FBN2: variants seen among roughly 807,000 people sequenced by gnomAD.
The protein encoded by FBN2 is fibrillin-2.
In FBN2, 105 loss-of-function variants were observed where a neutral mutation model predicts 355.6. That is an observed-to-expected ratio of 0.30 (90% CI 0.25 to 0.35). The LOEUF is 0.35. Ranked by LOEUF, FBN2 falls within the 10% of genes least tolerant of loss-of-function variation. The pLI is 1.00. For missense variants in FBN2, 3,280 were observed against 3,758.7 expected, an observed-to-expected ratio of 0.87 and a Z score of 3.33; for synonymous variants, 1,350 against 1,301.2, an observed-to-expected ratio of 1.04 and a Z score of -0.81.
chr5:128,457,842 CA>C (rs560905143), intron 6 of FBN2, among the ~76,000 whole-genome samples: 14,635 of 125,298 alleles, frequency 0.12, 774 homozygotes, highest in African/African-American at 0.17. Flanking sequence ...CCAGACACTG[CA>C]AAAAAAAAAA....
intron 7 of FBN2, among the ~76,000 whole-genome samples, chr5:128,410,265 T>C (rs1753030092): frequency 6.6e-6 from 1 of 152,216 alleles, no homozygotes; most frequent in South Asian, 2.1e-4. Flanking sequence ...AATTAGGTCC[T>C]GTTGCATCCT....
Position 128,319,146 on chromosome 5 carries a change from T to C in FBN2, c.4472-145A>G, listed in dbSNP as rs2126854876. 3 of 656,608 alleles carry C rather than the reference T, an allele frequency of 4.6e-6. No individual in the cohort carries two copies. The South Asian group carries it at 5.6e-5, about 12-fold the overall frequency. 40.7% of individuals were successfully genotyped at this position (656,608 alleles called of 1,614,324 possible). Reference sequence around the variant, plus strand: ...TTTTTCTCTTTTTTGGCTAGGTAGATAAGTGTAAAGGGCAAGCAACTAATG... The same window carrying C: ...TTTTTCTCTTTTTTGGCTAGGTAGACAAGTGTAAAGGGCAAGCAACTAATG... On this transcript the variant is annotated intron_variant, in intron 34 of 64. Transcript: ENST00000262464.
intron 3 of FBN2, among the ~76,000 whole-genome samples, chr5:128,529,494 T>C (rs1257265618): frequency 1.3e-5 from 2 of 152,110 alleles, no homozygotes; most frequent in Non-Finnish European, 1.5e-5. Context: ...CCTGATGAAA[T>C]GGAAGGATTG....
intron 38 of FBN2, 45 bp from the exon 39 acceptor site, chr5:128,311,470 A>C: frequency 1.2e-6 from 2 of 1,604,956 alleles, no homozygotes; most frequent in Middle Eastern, 3.3e-4. Context: ...ACCTTCACTA[A>C]GGATAAGAGT....
chr5:128,406,892 AACTG>A (rs759802963), intron 8 of FBN2, among the ~76,000 whole-genome samples: 51 of 152,362 alleles, frequency 3.3e-4, no homozygotes, highest in Admixed American at 5.9e-4. Flanking sequence ...ACAGTGAGCC[AACTG>A]GCAACAGTAA....
rs563815705 is a variant in FBN2, at chr5:128,258,100, C to G, written c.*1355G>C. The G allele has an allele frequency of 6.6e-6, 1 of 152,162 alleles. No homozygotes were observed. The highest frequency in any genetic ancestry group is 1.9e-4 in the East Asian group (1 of 5,168). 9.4% of individuals were successfully genotyped at this position (152,162 alleles called of 1,614,324 possible). On this transcript the variant is annotated 3_prime_UTR_variant, in exon 65 of 65. Transcript: ENST00000262464. ...ATACTGGGTATAACTGGTTACTAAT[C>G]TTTGGTCAGCACAGGTTTGAGAGGA... is the stretch of plus-strand genomic sequence containing the variant.
chr5:128,268,744 C>T (rs948253758), intron 62 of FBN2, among the ~76,000 whole-genome samples: 4 of 152,156 alleles, frequency 2.6e-5, no homozygotes, highest in Non-Finnish European at 5.9e-5. Flanking sequence ...TAAACACAAT[C>T]CATCAAATAA....
chr5:128,464,335 T>A (rs941720295), intron 6 of FBN2, among the ~76,000 whole-genome samples: 26 of 152,196 alleles, frequency 1.7e-4, no homozygotes, highest in African/African-American at 6.3e-4. Context: ...TCCTTGTTAC[T>A]TGGGTTCAGA....
rs763844373 is a variant in FBN2 at position 128,393,285 on chromosome 5, C to T, written c.1315G>A (p.Gly439Arg). 2 of 1,614,198 alleles carry T rather than the reference C, an allele frequency of 1.2e-6. No individual in the cohort carries two copies. The highest frequency in any genetic ancestry group is 1.7e-6 in the Non-Finnish European group (2 of 1,180,024). ...TTGCCACTTGGGGCAAAGCCATTTC[C>T]CCCAGTGCCTCCAGGTCTGGAACCA... ...SAGSRPGGTG[G>R]NGFAPSGNGN... is the part of the protein sequence containing the mutation. The change falls in exon 10 of 65, where the codon GGA (glycine) becomes AGA (arginine). Residue 439 changes from glycine (G) to arginine (R), a missense_variant. Physicochemically the swap from Gly to Arg is moderately radical, Grantham distance 125 (BLOSUM62 -2). Coordinates refer to ENST00000262464, the MANE Select transcript of FBN2 (RefSeq NM_001999.4).
chr5:128,394,899 C>T (rs937652554), intron 9 of FBN2, among the ~76,000 whole-genome samples: 32 of 152,198 alleles, frequency 2.1e-4, no homozygotes, highest in African/African-American at 6.0e-4. Context: ...GATTCTCCCA[C>T]CTCAGTCCCA....
intron 59 of FBN2, among the ~76,000 whole-genome samples, chr5:128,274,978 T>C (rs998380680): frequency 2.4e-4 from 36 of 152,182 alleles, no homozygotes; most frequent in Admixed American, 2.3e-3. Flanking sequence ...TATCCAAAGG[T>C]TACAATTCTT....
chr5:128,458,672 A>G (rs1194658397), intron 6 of FBN2, among the ~76,000 whole-genome samples: 2 of 152,178 alleles, frequency 1.3e-5, no homozygotes, highest in East Asian at 1.9e-4. Flanking sequence ...TTTTGTGGAA[A>G]CTGAACAACC....
chr5:128,353,300 A>G (rs1490508097), intron 20 of FBN2, among the ~76,000 whole-genome samples: 2 of 152,224 alleles, frequency 1.3e-5, no homozygotes, highest in Non-Finnish European at 2.9e-5. Context: ...ATTCCCTAGG[A>G]AACACAAGAA....
Position 128,486,720 on chromosome 5 carries a change from C to A in FBN2, c.629-21799G>T, listed in dbSNP as rs182860429. On this transcript the variant is annotated intron_variant, in intron 5 of 64. Transcript: ENST00000262464. ...CATGTGCCATGTTGGTTTGCTGCAC[C>A]CATTAACTCGCCGTTTACATTAGGT... is the stretch of plus-strand genomic sequence containing the variant. Among the ~76,000 whole-genome samples, 378 of 152,096 alleles carry A rather than the reference C, an allele frequency of 2.5e-3. 1 individual carries two copies. The highest frequency in any genetic ancestry group is 4.1e-3 in the Non-Finnish European group (280 of 68,016).
At chr5:128,405,753 T>C (rs758535673) in intron 8 of FBN2, among the ~76,000 whole-genome samples, 36 of 152,340 alleles carry the variant, frequency 2.4e-4, no homozygotes, top group Middle Eastern at 6.8e-3. Context: ...CCCCCAACCC[T>C]GCATTACAAT....
chr5:128,427,357 T>C (rs1380262513), intron 7 of FBN2, among the ~76,000 whole-genome samples: 1 of 150,026 alleles, frequency 6.7e-6, no homozygotes, highest in African/African-American at 2.4e-5. Context: ...ATTTTTGTTC[T>C]CTATAGAAAC....
chr5:128,366,162 A>G (rs536240259), intron 17 of FBN2, among the ~76,000 whole-genome samples: 7 of 152,068 alleles, frequency 4.6e-5, no homozygotes, highest in African/African-American at 1.7e-4. Context: ...TTAACAATGC[A>G]TATTTAACAG....
At chr5:128,499,887 A>G (rs971133270) in intron 5 of FBN2, among the ~76,000 whole-genome samples, 13 of 152,194 alleles carry the variant, frequency 8.5e-5, no homozygotes, top group African/African-American at 3.1e-4. Flanking sequence ...CACAAACATA[A>G]GGCTTTGCCC....
chr5:128,366,484 A>G (rs1250495563), intron 16 of FBN2, 54 bp from the exon 17 acceptor site: 2 of 1,072,376 alleles, frequency 1.9e-6, no homozygotes, highest in African/African-American at 3.1e-5. Flanking sequence ...CCTATTCCAT[A>G]TACAAGTCAT....
Sources: allele counts gnomAD v4.1 joint callset (sites outside exome capture counted in the v4.1 genomes callset), GRCh38; gene constraint gnomAD v4.1.1; transcripts MANE v1.5; gene names NCBI Gene and HGNC (gene_info 2026-07-23, HGNC 2026-07-21).